The following MACROD2 variants were observed in gnomAD, a reference collection of about 807,000 sequenced individuals.
The protein encoded by MACROD2 is ADP-ribose glycohydrolase MACROD2.
In MACROD2, 36 loss-of-function variants were observed where a neutral mutation model predicts 70.4. The ratio of observed to expected loss-of-function variants is 0.51; its 90% confidence interval spans 0.39 to 0.68. The LOEUF is 0.68. Ranked by LOEUF, MACROD2 falls within the 30% of genes least tolerant of loss-of-function variation. MACROD2 has a pLI of 0.00. For missense variants in MACROD2, 496 were observed against 538.4 expected (o/e 0.92, Z 0.78); for synonymous variants, 172 against 178.8 (o/e 0.96, Z 0.30).
At chr20:16,037,492 G>A (rs1290896587) in intron 15 of MACROD2, among the ~76,000 whole-genome samples, 1 of 151,830 alleles carries the variant, frequency 6.6e-6, no homozygotes, top group Non-Finnish European at 1.5e-5. Flanking sequence ...GTAATGCTTA[G>A]ATAGAGCTTA....
At chr20:15,921,067 C>T (rs2065397169) in intron 10 of MACROD2, among the ~76,000 whole-genome samples, 2 of 152,150 alleles carry the variant, frequency 1.3e-5, no homozygotes, top group Non-Finnish European at 2.9e-5. Context: ...CATGCTATTA[C>T]ATATTCCTAC....
chr20:14,459,984 T>A (rs1242242685), intron 3 of MACROD2, among the ~76,000 whole-genome samples: 1 of 152,150 alleles, frequency 6.6e-6, no homozygotes, highest in Non-Finnish European at 1.5e-5. Context: ...TGTTTGGTTT[T>A]CTGTTCCTGT....
At chr20:15,804,076 G>C (rs995049603) in intron 8 of MACROD2, among the ~76,000 whole-genome samples, 1 of 152,216 alleles carries the variant, frequency 6.6e-6, no homozygotes, top group African/African-American at 2.4e-5. Context: ...CTAATGAATT[G>C]AGTATTTCCC....
chr20:14,582,641 G>A (rs1343602440), intron 4 of MACROD2, among the ~76,000 whole-genome samples: 2 of 152,136 alleles, frequency 1.3e-5, no homozygotes, highest in African/African-American at 2.4e-5. Flanking sequence ...GTAGTGGAAA[G>A]GCAAGCACTT....
intron 4 of MACROD2, among the ~76,000 whole-genome samples, chr20:14,682,874 A>G (rs1049950192): frequency 6.6e-6 from 1 of 152,134 alleles, no homozygotes; most frequent in Non-Finnish European, 1.5e-5. Flanking sequence ...AAAAAACTTT[A>G]TTTTTATTTA....
intron 6 of MACROD2, among the ~76,000 whole-genome samples, chr20:15,268,629 G>A (rs904370093): frequency 6.6e-6 from 1 of 152,186 alleles, no homozygotes; most frequent in Non-Finnish European, 1.5e-5. Flanking sequence ...CTCCAGCCTG[G>A]GTGACAGAGC....
chr20:15,497,126 A>T (rs1317085043), intron 7 of MACROD2, among the ~76,000 whole-genome samples: 2 of 152,204 alleles, frequency 1.3e-5, no homozygotes, highest in African/African-American at 2.4e-5. Context: ...AAAGCCAGGG[A>T]TGACATTTGT....
intron 15 of MACROD2, among the ~76,000 whole-genome samples, chr20:16,007,798 G>A (rs1216064468): frequency 2.6e-5 from 4 of 152,076 alleles, no homozygotes; most frequent in Non-Finnish European, 5.9e-5. Context: ...CCTCTGAGCT[G>A]CTCTGAGGGG....
At chr20:14,108,788 A>C (rs1569162304) in intron 3 of MACROD2, among the ~76,000 whole-genome samples, 1 of 152,052 alleles carries the variant, frequency 6.6e-6, no homozygotes, top group South Asian at 2.1e-4. Context: ...AGAGCTAAAG[A>C]GAGAGATATA....
At chr20:14,304,503 C>T (rs1251833199) in intron 3 of MACROD2, among the ~76,000 whole-genome samples, 1 of 152,202 alleles carries the variant, frequency 6.6e-6, no homozygotes, top group Non-Finnish European at 1.5e-5. Flanking sequence ...TAAACTCCCC[C>T]ACGCTCATTT....
intron 3 of MACROD2, among the ~76,000 whole-genome samples, chr20:14,286,660 A>T (rs890645655): frequency 3.9e-5 from 6 of 152,116 alleles, no homozygotes; most frequent in South Asian, 2.1e-4. Context: ...TTAGCTTTGA[A>T]ATCTTTGCTT....
At chr20:14,049,060 A>C (rs533174017) in intron 2 of MACROD2, among the ~76,000 whole-genome samples, 18 of 152,242 alleles carry the variant, frequency 1.2e-4, no homozygotes, top group African/African-American at 4.3e-4. Context: ...TGTTTATGAC[A>C]AAATACAGGC....
At chr20:14,100,275 A>G (rs1489889912) in intron 3 of MACROD2, among the ~76,000 whole-genome samples, 1 of 151,960 alleles carries the variant, frequency 6.6e-6, no homozygotes, top group East Asian at 1.9e-4. Flanking sequence ...GAAATATTCC[A>G]TAAAGCCTGT....
intron 5 of MACROD2, among the ~76,000 whole-genome samples, chr20:15,183,946 A>G (rs1483526500): frequency 1.3e-5 from 2 of 152,224 alleles, no homozygotes; most frequent in East Asian, 1.9e-4. Flanking sequence ...GTCAAACTCA[A>G]CTATCTGCTG....
intron 8 of MACROD2, among the ~76,000 whole-genome samples, chr20:15,784,212 A>C (rs1040392850): frequency 9.2e-5 from 14 of 152,166 alleles, no homozygotes; most frequent in Non-Finnish European, 1.5e-4. Flanking sequence ...TGACTTCCCC[A>C]GCGCATGTGT....
intron 5 of MACROD2, among the ~76,000 whole-genome samples, chr20:15,182,776 A>G (rs1394096335): frequency 1.3e-5 from 2 of 152,140 alleles, no homozygotes; most frequent in African/African-American, 4.8e-5. Context: ...TTACTCATTC[A>G]TTTAATCTTC....
At chr20:15,285,205 A>G (rs941653710) in intron 6 of MACROD2, among the ~76,000 whole-genome samples, 3 of 152,172 alleles carry the variant, frequency 2.0e-5, no homozygotes, top group Non-Finnish European at 4.4e-5. Context: ...GATATTTTAT[A>G]TTTCTCTAAA....
At chr20:15,173,202 T>G (rs2076435982) in intron 5 of MACROD2, among the ~76,000 whole-genome samples, 1 of 122,452 alleles carries the variant, frequency 8.2e-6, no homozygotes, top group East Asian at 2.4e-4. Context: ...CAACTTTATC[T>G]AATATATAAT....
intron 5 of MACROD2, among the ~76,000 whole-genome samples, chr20:15,225,175 TAAAAG>T (rs1438382961): frequency 6.6e-6 from 1 of 152,002 alleles, no homozygotes; most frequent in African/African-American, 2.4e-5. Flanking sequence ...GCTAGGAAAA[TAAAAG>T]AAAGATATAC....
Sources: allele counts gnomAD v4.1 joint callset (sites outside exome capture counted in the v4.1 genomes callset), GRCh38; gene constraint gnomAD v4.1.1; transcripts MANE v1.5; gene names NCBI Gene and HGNC (gene_info 2026-07-23, HGNC 2026-07-21).